Variants in ICA1L observed in about 807,000 individuals in gnomAD.
ICA1L encodes islet cell autoantigen 1 like.
ICA1L carries 50 observed loss-of-function variants against 61.3 expected under a neutral mutation model. The observed-to-expected ratio is 0.82, with a 90% CI of 0.65 to 1.03. The LOEUF is 1.03. Among genes scored for constraint, ICA1L ranks in the 50% least tolerant of loss-of-function variants. The pLI, the probability that ICA1L is intolerant of heterozygous loss-of-function variation, is 0.00. For missense variants in ICA1L, 508 were observed against 556.7 expected (o/e 0.91, Z 0.88); for synonymous variants, 161 against 191.3 (o/e 0.84, Z 1.31).
At chr2:202,784,804 G>A (rs1009804802) in intron 12 of ICA1L, among the ~76,000 whole-genome samples, 1 of 152,158 alleles carries the variant, frequency 6.6e-6, no homozygotes, top group Non-Finnish European at 1.5e-5. Context: ...GGTTACCGGG[G>A]ACTTAGGAGA....
chr2:202,847,955 T>C (rs1051602843), intron 1 of ICA1L, among the ~76,000 whole-genome samples: 4 of 152,066 alleles, frequency 2.6e-5, no homozygotes, highest in African/African-American at 9.7e-5. Flanking sequence ...CTGGAGGCCA[T>C]TTTCCTAAGC....
At chr2:202,793,227 T>TA (rs1462915064) in intron 10 of ICA1L, among the ~76,000 whole-genome samples, 1 of 152,078 alleles carries the variant, frequency 6.6e-6, no homozygotes, top group Non-Finnish European at 1.5e-5. Context: ...ATGAATAACT[T>TA]CTTAGAAAAA....
At position 202,840,756 on chromosome 2, in the gene ICA1L, C is replaced by T. The variant is rs987555587; in HGVS notation, c.-7-11740G>A. 8.4e-6 allele frequency: 5 copies of T among 594,168 alleles called. No homozygotes were observed. In the African/African-American group the frequency reaches 9.2e-5, roughly 11 times the overall value. 36.8% of individuals were successfully genotyped at this position (594,168 alleles called of 1,614,324 possible). ...GCATTGGCATCCTTAACAGCCAACTCCCCACACTGCTAGGCATCTGCGATG... is the reference window on the plus strand; with the variant it reads ...GCATTGGCATCCTTAACAGCCAACTTCCCACACTGCTAGGCATCTGCGATG... On this transcript the variant is annotated intron_variant, in intron 1 of 12. Coordinates refer to ENST00000358299, the MANE Select transcript of ICA1L (RefSeq NM_001288622.3).
intron 8 of ICA1L, among the ~76,000 whole-genome samples, chr2:202,813,653 C>A (rs1693443989): frequency 6.6e-6 from 1 of 152,086 alleles, no homozygotes; most frequent in Non-Finnish European, 1.5e-5. Context: ...CTCAGGATCA[C>A]CTTCTACTCA....
rs1694541519 is a variant in ICA1L, at chr2:202,849,028, G to A, written c.-7-20012C>T. Among the ~76,000 whole-genome samples the A allele has an allele frequency of 6.6e-6, 1 of 152,106 alleles. No individual in the cohort carries two copies. The highest frequency in any genetic ancestry group is 1.5e-5 in the Non-Finnish European group (1 of 68,020). On this transcript the variant is annotated intron_variant, in intron 1 of 12. Transcript: ENST00000358299. This position sits in a 1 kb window ranked among gnomAD's most constrained non-coding sequence, Gnocchi z 4.5. The stretch of plus-strand genomic sequence containing the variant: ...TGGGGCGTTGCCTCATCCAGGAAGT[G>A]CAAGGAGCTGGGGCCCTCCCTCCCC...
intron 1 of ICA1L, among the ~76,000 whole-genome samples, chr2:202,853,705 A>C (rs1375628141): frequency 1.3e-5 from 2 of 152,248 alleles, no homozygotes; most frequent in Non-Finnish European, 2.9e-5. Context: ...ATATGAACAC[A>C]CACTGCTCAA....
chr2:202,864,743 G>A (rs1687438228), intron 1 of ICA1L, among the ~76,000 whole-genome samples: 3 of 152,134 alleles, frequency 2.0e-5, no homozygotes, highest in Non-Finnish European at 4.4e-5. Context: ...TATGGGCCAG[G>A]TGCGGTGGCT....
chr2:202,814,152 T>C (rs1693464633), intron 8 of ICA1L, among the ~76,000 whole-genome samples: 3 of 152,196 alleles, frequency 2.0e-5, no homozygotes, highest in African/African-American at 4.8e-5. Flanking sequence ...GAATTTCTCC[T>C]CATCAAAACT....
chr2:202,833,795 T>C (rs1461287616), intron 1 of ICA1L, among the ~76,000 whole-genome samples: 3 of 152,168 alleles, frequency 2.0e-5, no homozygotes, highest in Admixed American at 6.6e-5. Flanking sequence ...AGAAATCCTG[T>C]CATTTGTGAC....
intron 1 of ICA1L, among the ~76,000 whole-genome samples, chr2:202,850,407 C>A (rs1694585942): frequency 6.6e-6 from 1 of 152,116 alleles, no homozygotes; most frequent in Non-Finnish European, 1.5e-5. Context: ...GTTACAGGAA[C>A]TGCTAACTAG....
intron 1 of ICA1L, among the ~76,000 whole-genome samples, chr2:202,858,116 CT>C (rs1694814842): frequency 6.6e-6 from 1 of 152,176 alleles, no homozygotes; most frequent in Non-Finnish European, 1.5e-5. Flanking sequence ...AATCTCATTA[CT>C]TGGTATATAC....
chr2:202,823,910 A>G (rs969834884), intron 3 of ICA1L, among the ~76,000 whole-genome samples: 1 of 152,236 alleles, frequency 6.6e-6, no homozygotes, highest in African/African-American at 2.4e-5. Flanking sequence ...CAGGTAGTCA[A>G]AAAAATACTT....
intron 10 of ICA1L, among the ~76,000 whole-genome samples, chr2:202,793,996 AAAG>A (rs1165595703): frequency 1.3e-5 from 2 of 151,856 alleles, no homozygotes; most frequent in African/African-American, 2.4e-5. Context: ...AAAAAAAAAA[AAAG>A]AATGCAAAAA....
intron 9 of ICA1L, among the ~76,000 whole-genome samples, chr2:202,809,836 A>G (rs1693324644): frequency 6.6e-6 from 1 of 152,116 alleles, no homozygotes; most frequent in South Asian, 2.1e-4. Flanking sequence ...GCATGCCTAC[A>G]GGATCTAGAA....
chr2:202,854,327 A>G (rs953629078), intron 1 of ICA1L, among the ~76,000 whole-genome samples: 3 of 152,226 alleles, frequency 2.0e-5, no homozygotes, highest in African/African-American at 7.2e-5. Flanking sequence ...GGATCAATGC[A>G]ACAAGAAGAG....
chr2:202,788,376 A>G (rs1171644973), intron 11 of ICA1L, among the ~76,000 whole-genome samples: 1 of 152,154 alleles, frequency 6.6e-6, no homozygotes, highest in South Asian at 2.1e-4. Context: ...TGTGAGAAGC[A>G]AAGTGACCCC....
chr2:202,817,186 T>C (rs1270395527), intron 6 of ICA1L, among the ~76,000 whole-genome samples: 2 of 152,176 alleles, frequency 1.3e-5, no homozygotes, highest in African/African-American at 2.4e-5. Context: ...CAACCTCAAA[T>C]GGTCCCTAAG....
At chr2:202,803,619 C>T (rs964209029) in intron 9 of ICA1L, among the ~76,000 whole-genome samples, 2 of 152,144 alleles carry the variant, frequency 1.3e-5, no homozygotes, top group Non-Finnish European at 2.9e-5. Context: ...ACTGCAGCCT[C>T]TACCTACCCA....
intron 1 of ICA1L, among the ~76,000 whole-genome samples, chr2:202,835,811 A>G (rs747174797): frequency 6.6e-6 from 1 of 151,966 alleles, no homozygotes; most frequent in Non-Finnish European, 1.5e-5. Context: ...CAGCCTCCCA[A>G]CGTCCTGGGA....
Sources: gnomAD v4.1 joint callset for allele counts (sites outside exome capture counted in the v4.1 genomes callset) on GRCh38, gnomAD v4.1.1 for gene constraint, Gnocchi (gnomAD v3.1) non-coding constraint, MANE v1.5 for transcripts, NCBI Gene and HGNC (gene_info 2026-07-23, HGNC 2026-07-21) for gene names.